Variants in ALDOB observed in about 807,000 individuals in gnomAD.
ALDOB encodes aldolase, fructose-bisphosphate B.
In ALDOB, 39 loss-of-function variants were observed where a neutral mutation model predicts 41.0. The observed-to-expected ratio is 0.95, with a 90% CI of 0.74 to 1.24. The LOEUF is 1.24. Ranked by LOEUF, ALDOB falls within the 50% of genes most tolerant of loss-of-function variation. The pLI, the probability that ALDOB is intolerant of heterozygous loss-of-function variation, is 0.00. For synonymous variants in ALDOB, 175 were observed against 168.8 expected, an observed-to-expected ratio of 1.04 and a Z score of -0.28; for missense variants, 530 against 457.3, an observed-to-expected ratio of 1.16 and a Z score of -1.45.
rs371407379 is a variant in ALDOB at position 101,423,005 on chromosome 9, C to CTG, written c.1000-1103_1000-1102dup. ...GATGATAAACTCAGCTTCCCTTCTT[C>CTG]TGTGTGGATGTCCCTGATGACCTGC... On this transcript the variant is annotated intron_variant, in intron 8 of 8. Coordinates refer to ENST00000647789, the MANE Select transcript of ALDOB (RefSeq NM_000035.4). Among the ~76,000 whole-genome samples the CTG allele has an allele frequency of 2.4e-3, 364 of 152,326 alleles. 4 individuals are homozygous for CTG. Among genetic ancestry groups the CTG allele is most frequent in the African/African-American group, 8.4e-3 (349 of 41,584 alleles).
chr9:101,425,052 G>A lies in ALDOB; in HGVS notation c.800-10C>T, dbSNP rs375872252. The A allele has an allele frequency of 6.2e-7, 1 of 1,614,120 alleles. No homozygotes were observed. The highest frequency in any genetic ancestry group is 8.5e-7 in the Non-Finnish European group (1 of 1,180,000). ...GACAAAAAGCAGATGCCTGGTAGGAGAGAAGCCATTTCACTCTATTAGTCC... is the reference window on the plus strand; with the variant it reads ...GACAAAAAGCAGATGCCTGGTAGGAAAGAAGCCATTTCACTCTATTAGTCC... On this transcript the variant is annotated splice_polypyrimidine_tract_variant and intron_variant, in intron 7 of 8. Transcript: ENST00000647789.
At chr9:101,434,637 G>A (rs2118375095) in intron 1 of ALDOB, among the ~76,000 whole-genome samples, 1 of 152,302 alleles carries the variant, frequency 6.6e-6, no homozygotes, top group South Asian at 2.1e-4. Context: ...ATGTCCCAGT[G>A]ACAAGTGCAG....
At chr9:101,426,426 C>A in intron 6 of ALDOB, 129 bp downstream of exon 6, 1 of 708,434 alleles carries the variant, frequency 1.4e-6, no homozygotes, top group East Asian at 2.7e-5. Context: ...TGAGCACCTC[C>A]CTACCTTCTC....
chr9:101,422,635 G>A (rs1490951929), intron 8 of ALDOB, among the ~76,000 whole-genome samples: 1 of 152,202 alleles, frequency 6.6e-6, no homozygotes, highest in Non-Finnish European at 1.5e-5. Flanking sequence ...GAAATGAAAA[G>A]AGGTTGGTAA....
At chr9:101,426,387 T>C (rs1159647656) in intron 6 of ALDOB, among the ~76,000 whole-genome samples, 168 bp downstream of exon 6, 1 of 152,230 alleles carries the variant, frequency 6.6e-6, no homozygotes, top group Non-Finnish European at 1.5e-5. Context: ...ATATGGAGTA[T>C]ACCATGTGCC....
chr9:101,426,947 G>A (rs1177695481), intron 5 of ALDOB, among the ~76,000 whole-genome samples: 1 of 152,214 alleles, frequency 6.6e-6, no homozygotes, highest in Non-Finnish European at 1.5e-5. Flanking sequence ...TTCAAGCAGT[G>A]TTTAGAGTTC....
Position 101,421,328 on chromosome 9 carries a change from A to T in ALDOB, c.*481T>A, listed in dbSNP as rs1423665923. The T allele has an allele frequency of 3.9e-6, 1 of 254,926 alleles. No homozygotes were observed. Among genetic ancestry groups the T allele is most frequent in the African/African-American group, 2.2e-5 (1 of 44,492 alleles). The allele number at this position is 254,926 out of a possible 1,614,324, so 15.8% of individuals were successfully genotyped here. A position where few individuals can be genotyped will look rare whatever the true frequency, so the allele number is the denominator to read the frequency against. ...AGTAGAGTCAAAAGTAATGAAATAC[A>T]CTGAGTCTTTGGACAGCAAGAGCAG... On this transcript the variant is annotated 3_prime_UTR_variant, in exon 9 of 9. Coordinates refer to ENST00000647789, the MANE Select transcript of ALDOB (RefSeq NM_000035.4).
intron 5 of ALDOB, 99 bp from the exon 6 acceptor site, chr9:101,426,737 C>T (rs1331037076): frequency 2.1e-5 from 17 of 791,400 alleles, no homozygotes; most frequent in Non-Finnish European, 2.5e-5. Flanking sequence ...AAATTGAAGC[C>T]ATTATGGAGA....
At position 101,422,320 on chromosome 9, in the gene ALDOB, T is replaced by C. The variant is rs542693748; in HGVS notation, c.1000-416A>G. Among the ~76,000 whole-genome samples the C allele has an allele frequency of 2.6e-5, 4 of 152,380 alleles. No homozygotes were observed. In the East Asian group the frequency reaches 7.7e-4, roughly 29 times the overall value. On this transcript the variant is annotated intron_variant, in intron 8 of 8. Transcript: ENST00000647789. ...TTTTATTTAGTTATTGTAGTATCATTTGCTTTCCTGTATACATTCCAGTTA... is the reference window on the plus strand; with the variant it reads ...TTTTATTTAGTTATTGTAGTATCATCTGCTTTCCTGTATACATTCCAGTTA...
At position 101,424,882 on chromosome 9, in the gene ALDOB, G is replaced by T. The variant is rs747514666; in HGVS notation, c.960C>A (p.Asn320Lys). ...ALAAWGGKAA[N>K]KEATQEAFMK... Reference sequence around the variant, plus strand: ...TAAAAGCCTCCTGGGTTGCCTCCTTGTTTGCAGCCTTGCCACCCCAGGCAG... The same window carrying T: ...TAAAAGCCTCCTGGGTTGCCTCCTTTTTTGCAGCCTTGCCACCCCAGGCAG... Residue 320 changes from asparagine to lysine, a missense_variant, in exon 8 of 9, where the codon AAC becomes AAA. By Grantham distance (94) the Asn-to-Lys change is moderately conservative. Transcript: ENST00000647789. The T allele has an allele frequency of 6.2e-7, 1 of 1,613,818 alleles. No homozygotes were observed. Among genetic ancestry groups the T allele is most frequent in the Non-Finnish European group, 8.5e-7 (1 of 1,180,020 alleles).
In ALDOB at chr9:101,428,527, T is replaced by G. The variant is rs768143605; in HGVS notation, c.325-4A>C. The G allele has an allele frequency of 1.2e-6, 2 of 1,612,844 alleles. No individual in the cohort carries two copies. Among genetic ancestry groups the G allele is most frequent in the Admixed American group, 3.3e-5 (2 of 60,024 alleles). On this transcript the variant is annotated splice_polypyrimidine_tract_variant and splice_region_variant and intron_variant, in intron 3 of 8. Coordinates refer to ENST00000647789, the MANE Select transcript of ALDOB (RefSeq NM_000035.4). Reference sequence around the variant, plus strand: ...GAGGAGCACCTCCTTGGTCTAACTGTGGATACAAATAATTAACAGGTGTCA... The same window carrying G: ...GAGGAGCACCTCCTTGGTCTAACTGGGGATACAAATAATTAACAGGTGTCA...
intron 3 of ALDOB, 143 bp from the exon 4 acceptor site, chr9:101,428,666 T>C (rs1472919598): frequency 2.6e-6 from 2 of 770,678 alleles, no homozygotes; most frequent in East Asian, 2.6e-5. Context: ...GTTCAGTCCA[T>C]AGCAGAAGGG....
At position 101,421,777 on chromosome 9, in the gene ALDOB, A is replaced by G. The variant is rs1265179889; in HGVS notation, c.*32T>C. 2 of 1,587,608 alleles carry G rather than the reference A, an allele frequency of 1.3e-6. No homozygotes were observed. Among genetic ancestry groups the G allele is most frequent in the Non-Finnish European group, 1.7e-6 (2 of 1,156,482 alleles). ...GCTCCCTTTCAGCCCTCCTACTAGA[A>G]GCACTGGAGCTAGGCTGGCGGGCAT... On this transcript the variant is annotated 3_prime_UTR_variant, in exon 9 of 9. Coordinates refer to ENST00000647789, the MANE Select transcript of ALDOB (RefSeq NM_000035.4).
intron 6 of ALDOB, among the ~76,000 whole-genome samples, chr9:101,426,262 G>GT (rs1831127268): frequency 6.6e-6 from 1 of 152,144 alleles, no homozygotes; most frequent in Non-Finnish European, 1.5e-5. Context: ...ATTTCTTTGT[G>GT]TACATGTAAT....
chr9:101,424,947 TTA>T lies in ALDOB; in HGVS notation c.893_894del (p.Leu298GlnfsTer37). On this transcript the variant is annotated frameshift_variant, in exon 8 of 9. Coordinates refer to ENST00000647789, the MANE Select transcript of ALDOB (RefSeq NM_000035.4). LOFTEE classifies it high-confidence loss of function. ...TGCAGGGCCCGTCCATAAGAGAAAC[TTA>T]GTTTCCAGGGCTTTGGTAGAGGGCA... Reference protein sequence around the residue: ...NLCPLPKPWKLSFSYGRALQA... With the variant: ...NLCPLPKPWKXSFSYGRALQA... The T allele has an allele frequency of 6.2e-7, 1 of 1,614,164 alleles. No homozygotes were observed. Among genetic ancestry groups the T allele is most frequent in the Non-Finnish European group, 8.5e-7 (1 of 1,180,020 alleles).
At chr9:101,429,177 T>G (rs2118360602) in intron 3 of ALDOB, among the ~76,000 whole-genome samples, 1 of 151,798 alleles carries the variant, frequency 6.6e-6, no homozygotes, top group African/African-American at 2.4e-5. Context: ...ACTCTTTTTT[T>G]TTTTGAGACA....
chr9:101,426,613 G>A lies in ALDOB; in HGVS notation c.566C>T (p.Pro189Leu). 6.2e-7 allele frequency: 1 copy of A among 1,611,202 alleles called. No individual in the cohort carries two copies. Among genetic ancestry groups the A allele is most frequent in the Non-Finnish European group, 8.5e-7 (1 of 1,177,394 alleles). ...QQNGLVPIVE[P>L]EVIPDGDHDL... ...ATGGTCTCCATCAGGAATTACCTCT[G>A]GTTCAACAATAGGTACCAGTCCATT... is the stretch of plus-strand genomic sequence containing the variant. Residue 189 changes from proline to leucine, a missense_variant, in exon 6 of 9, where the codon CCA (proline) becomes CTA (leucine). Physicochemically the swap from Pro to Leu is moderately conservative, Grantham distance 98 (BLOSUM62 -3). Transcript: ENST00000647789.
chr9:101,430,601 A>C (rs954182185), intron 2 of ALDOB, among the ~76,000 whole-genome samples, 175 bp downstream of exon 2: 7 of 152,198 alleles, frequency 4.6e-5, no homozygotes, highest in African/African-American at 9.7e-5. Context: ...CTTGGCTTTC[A>C]GGAATGTGCC....
intron 1 of ALDOB, among the ~76,000 whole-genome samples, chr9:101,431,599 G>A (rs1455700926): frequency 3.3e-5 from 5 of 152,152 alleles, no homozygotes; most frequent in African/African-American, 9.7e-5. Flanking sequence ...CACTGCTTTA[G>A]CAAGGGGAGA....
Sources: allele counts gnomAD v4.1 joint callset (sites outside exome capture counted in the v4.1 genomes callset), GRCh38; gene constraint gnomAD v4.1.1; transcripts MANE v1.5; gene names NCBI Gene and HGNC (gene_info 2026-07-23, HGNC 2026-07-21).